ZSWIM8: variants seen among roughly 807,000 people sequenced by gnomAD.
The protein encoded by ZSWIM8 is zinc finger SWIM domain-containing protein 8.
Under a neutral mutation model 173.7 loss-of-function variants are expected in ZSWIM8, and 27 were observed. The ratio of observed to expected loss-of-function variants is 0.16; its 90% CI spans 0.11 to 0.21. The LOEUF is 0.21. Among genes scored for constraint, ZSWIM8 ranks in the 10% least tolerant of loss-of-function variants. ZSWIM8 has a pLI of 1.00. For missense variants in ZSWIM8, 1,627 were observed against 2,428.8 expected (o/e 0.67, Z 6.94); for synonymous variants, 958 against 962.0 (o/e 1.00, Z 0.08).
chr10:73,786,416 T>G, intron 1 of ZSWIM8: 1 of 297,358 alleles, frequency 3.4e-6, no homozygotes, highest in Non-Finnish European at 6.2e-6. Flanking sequence ...CGTCACTCCT[T>G]TGCCTTAGAG....
chr10:73,792,770 A>G lies in ZSWIM8; in HGVS notation c.2231A>G (p.Glu744Gly). The G allele has an allele frequency of 6.2e-7, 1 of 1,611,756 alleles. No homozygotes were observed. The highest frequency in any genetic ancestry group is 8.5e-7 in the Non-Finnish European group (1 of 1,179,752). The change falls in exon 10 of 26, where the codon GAA becomes GGA. Residue 744 changes from glutamate (E) to glycine (G), a missense_variant. By Grantham distance (98) the Glu-to-Gly change is moderately conservative. This residue lies in a region of ZSWIM8 where 383 missense variants were observed against 394.8 expected (regional missense o/e 0.97). Coordinates refer to ENST00000604729, the MANE Select transcript of ZSWIM8 (RefSeq NM_001367799.1). This position sits in a 1 kb window ranked among gnomAD's most constrained non-coding sequence, Gnocchi z 4.3. ...LNAQDGAGGEEEKAEGGAGEE... is the reference protein window; with the variant it reads ...LNAQDGAGGEGEKAEGGAGEE... ...GCCCAGGATGGGGCTGGGGGCGAGG[A>G]AGAGAAGGCCGAGGGCGGGGCTGGG...
chr10:73,793,338 G>A (rs1411741756), intron 10 of ZSWIM8, among the ~76,000 whole-genome samples: 1 of 152,114 alleles, frequency 6.6e-6, no homozygotes, highest in Non-Finnish European at 1.5e-5. Context: ...TTCCTCTAGG[G>A]AGTCTCTCTG....
Position 73,798,365 on chromosome 10 carries a change from C to T in ZSWIM8, c.4088C>T (p.Ala1363Val). ...RARDSNMVRAAAELALSCLPH... is the reference protein window; with the variant it reads ...RARDSNMVRAVAELALSCLPH... ...AGAGACTCCAATATGGTGAGGGCGG[C>T]AGCAGAGCTGGCCCTGAGCTGCCTG... is the stretch of plus-strand genomic sequence containing the variant. The change falls in exon 20 of 26, where the codon GCA (alanine) becomes GTA (valine). Residue 1363 changes from alanine to valine, a missense_variant. Physicochemically the swap from Ala to Val is moderately conservative, Grantham distance 64 (BLOSUM62 0). Coordinates refer to ENST00000604729, the MANE Select transcript of ZSWIM8 (RefSeq NM_001367799.1). The T allele has an allele frequency of 1.2e-6, 2 of 1,614,044 alleles. No individual in the cohort carries two copies. Among genetic ancestry groups the T allele is most frequent in the South Asian group, 1.1e-5 (1 of 91,090 alleles).
chr10:73,798,210 CT>C lies in ZSWIM8; in HGVS notation c.3953-18del, dbSNP rs1565085546. 3 of 1,612,664 alleles carry C rather than the reference CT, an allele frequency of 1.9e-6. No homozygotes were observed. The South Asian group carries it at 3.3e-5, about 18-fold the overall frequency. On this transcript the variant is annotated intron_variant, in intron 19 of 25. Coordinates refer to ENST00000604729, the MANE Select transcript of ZSWIM8 (RefSeq NM_001367799.1). ...GTGCCCACACTAACCCAACTCTGCCCTTCTCTCCTTTCCCCTAAGGCCAGGC... is the reference window on the plus strand; with the variant it reads ...GTGCCCACACTAACCCAACTCTGCCCTCTCTCCTTTCCCCTAAGGCCAGGC...
At position 73,799,005 on chromosome 10, in the gene ZSWIM8, A is replaced by C. The variant is rs553935585; in HGVS notation, c.4180A>C (p.Asn1394His). The C allele has an allele frequency of 6.2e-7, 1 of 1,606,748 alleles. No homozygotes were observed. Among genetic ancestry groups the C allele is most frequent in the Non-Finnish European group, 8.5e-7 (1 of 1,175,200 alleles). Residue 1394 changes from asparagine (N) to histidine (H), a missense_variant, in exon 21 of 26, where the codon AAC (asparagine) becomes CAC (histidine). Transcript: ENST00000604729. ...RALVQCKEQD[N>H]LMLEKACMAV... ...ACTCTGTGCCCCTCTCTTCCAGGAC[A>C]ACCTGATGTTGGAGAAGGCCTGCAT... is the stretch of plus-strand genomic sequence containing the variant.
chr10:73,800,541 C>T lies in ZSWIM8; in HGVS notation c.5002+69C>T, dbSNP rs1427163482. On this transcript the variant is annotated intron_variant, in intron 23 of 25. Transcript: ENST00000604729. The surrounding 1 kb of genome is among the most constrained non-coding windows in gnomAD (Gnocchi z 4.1). ...AGTGGCTCTTCAGAGGACCCTTCCTCTAGCTCTTCATTTGTTTACTGTGGG... is the reference window on the plus strand; with the variant it reads ...AGTGGCTCTTCAGAGGACCCTTCCTTTAGCTCTTCATTTGTTTACTGTGGG... 1.2e-6 allele frequency: 2 copies of T among 1,603,826 alleles called. No homozygotes were observed. Among genetic ancestry groups the T allele is most frequent in the Non-Finnish European group, 1.7e-6 (2 of 1,174,230 alleles).
At chr10:73,794,690 C>T in intron 14 of ZSWIM8, 51 bp downstream of exon 14, 1 of 1,465,886 alleles carries the variant, frequency 6.8e-7, no homozygotes, top group Non-Finnish European at 9.3e-7. Context: ...TCTTGAAGGA[C>T]ATGAGACCTG....
chr10:73,788,278 C>T (rs2083293875), intron 1 of ZSWIM8, among the ~76,000 whole-genome samples: 1 of 151,116 alleles, frequency 6.6e-6, no homozygotes, highest in Non-Finnish European at 1.5e-5. Context: ...ACAAGAATGC[C>T]AGAGGAGAGA....
intron 15 of ZSWIM8, 40 bp downstream of exon 15, chr10:73,795,703 A>T: frequency 1.3e-6 from 2 of 1,593,414 alleles, no homozygotes; most frequent in Non-Finnish European, 1.7e-6. Context: ...CATGCCTGTA[A>T]TCCCAGCAGT....
Position 73,790,873 on chromosome 10 carries a change from G to A in ZSWIM8, c.942-102G>A, listed in dbSNP as rs2083393566. ...CAAAAAAAAAAATTTTGTTACAGAT[G>A]TCTTTTTCCCTCTATCTTCTGTATT... On this transcript the variant is annotated intron_variant, in intron 7 of 25. Coordinates refer to ENST00000604729, the MANE Select transcript of ZSWIM8 (RefSeq NM_001367799.1). The A allele has an allele frequency of 2.6e-6, 3 of 1,175,378 alleles. No individual in the cohort carries two copies. The East Asian group carries it at 7.2e-5, about 28-fold the overall frequency. The allele number at this position is 1,175,378 out of a possible 1,614,324, so 72.8% of individuals were successfully genotyped here.
At position 73,792,284 on chromosome 10, in the gene ZSWIM8, G is replaced by A. The variant is rs1453423894; in HGVS notation, c.1745G>A (p.Gly582Glu). Residue 582 changes from glycine to glutamate, a missense_variant, in exon 10 of 26, where the codon GGG becomes GAG. Gly to Glu is a moderately conservative substitution (Grantham distance 98). This residue lies in a region of ZSWIM8 where 383 missense variants were observed against 394.8 expected (regional missense o/e 0.97). Transcript: ENST00000604729. This position sits in a 1 kb window ranked among gnomAD's most constrained non-coding sequence, Gnocchi z 4.3. Reference protein sequence around the residue: ...DKALHKMGPGGGKAKALGGAG... With the variant: ...DKALHKMGPGEGKAKALGGAG... ...GCTCTACATAAGATGGGTCCAGGTG[G>A]GGGCAAAGCCAAGGCACTGGGTGGG... is the stretch of plus-strand genomic sequence containing the variant. 1 of 1,608,688 alleles carries A rather than the reference G, an allele frequency of 6.2e-7. No individual in the cohort carries two copies. Among genetic ancestry groups the A allele is most frequent in the Admixed American group, 1.7e-5 (1 of 59,732 alleles).
chr10:73,789,147 T>C lies in ZSWIM8; in HGVS notation c.414T>C (p.Asp138=), dbSNP rs1291343426. 3 of 1,613,864 alleles carry C rather than the reference T, an allele frequency of 1.9e-6. No homozygotes were observed. The highest frequency in any genetic ancestry group is 2.7e-5 in the African/African-American group (2 of 74,920). Residue 138 remains aspartate (D), a synonymous_variant, in exon 3 of 26, where the codon GAT becomes GAC. Transcript: ENST00000604729. The surrounding 1 kb of genome is among the most constrained non-coding windows in gnomAD (Gnocchi z 6.8). The part of the protein sequence containing the change: ...NGSADEFQRG[D]QLFRMRAVKD... The stretch of plus-strand genomic sequence containing the variant: ...GTGCGGATGAGTTTCAGCGAGGGGA[T>C]CAGCTCTTCCGCATGCGGGCTGTGA...
rs373383881 is a variant in ZSWIM8 at position 73,797,075 on chromosome 10, T to C, written c.3275-38T>C. ...TGTGGACCTATGTTGAGGTCCCCTT[T>C]CCTGGGCTCATCCCAGCGTCCTGTT... On this transcript the variant is annotated intron_variant, in intron 16 of 25. Transcript: ENST00000604729. The surrounding 1 kb of genome is among the most constrained non-coding windows in gnomAD (Gnocchi z 5.6). 187 of 1,613,056 alleles carry C rather than the reference T, an allele frequency of 1.2e-4. No individual in the cohort carries two copies. Among genetic ancestry groups the C allele is most frequent in the Admixed American group, 1.1e-3 (66 of 59,904 alleles).
chr10:73,795,673 T>C lies in ZSWIM8; in HGVS notation c.3033+10T>C. On this transcript the variant is annotated intron_variant, in intron 15 of 25. Transcript: ENST00000604729. ...GGCCAAGCTTAAGAAGGTAAGAGACTGGGGCTGGGTGCGGTGGCTCATGCC... is the reference window on the plus strand; with the variant it reads ...GGCCAAGCTTAAGAAGGTAAGAGACCGGGGCTGGGTGCGGTGGCTCATGCC... 1 of 1,609,696 alleles carries C rather than the reference T, an allele frequency of 6.2e-7. No individual in the cohort carries two copies.
Position 73,799,265 on chromosome 10 carries a change from G to A in ZSWIM8, c.4440G>A (p.Val1480=). 6.3e-7 allele frequency: 1 copy of A among 1,598,262 alleles called. No individual in the cohort carries two copies. The highest frequency in any genetic ancestry group is 8.5e-7 in the Non-Finnish European group (1 of 1,173,126). The change falls in exon 21 of 26, where the codon GTG becomes GTA. Residue 1480 remains valine (V), a synonymous_variant. Transcript: ENST00000604729. ...TEPVTVAAAA[V]TAAATVVPVI... ...CGGTTACAGTGGCAGCGGCAGCAGT[G>A]ACAGCAGCAGCCACAGTGGTGCCCG...
chr10:73,797,332 A>C lies in ZSWIM8; in HGVS notation c.3434-45A>C. ...TAATCCTGAAGGTTGGAGTCTTAAC[A>C]TCTGGGACTCCTGACTTCTGAGACT... On this transcript the variant is annotated intron_variant, in intron 17 of 25. Coordinates refer to ENST00000604729, the MANE Select transcript of ZSWIM8 (RefSeq NM_001367799.1). This position sits in a 1 kb window ranked among gnomAD's most constrained non-coding sequence, Gnocchi z 5.6. 6.2e-7 allele frequency: 1 copy of C among 1,612,992 alleles called. No homozygotes were observed. Among genetic ancestry groups the C allele is most frequent in the Non-Finnish European group, 8.5e-7 (1 of 1,179,164 alleles).
In ZSWIM8 at chr10:73,801,328, C is replaced by T. The variant is rs754387316; in HGVS notation, c.5314C>T (p.Arg1772Cys). The change falls in exon 26 of 26, where the codon CGC (arginine) becomes TGC (cysteine). Residue 1772 changes from arginine (R) to cysteine (C), a missense_variant. This residue lies in a region of ZSWIM8 where 122 missense variants were observed against 196.1 expected (regional missense o/e 0.62). Transcript: ENST00000604729. The surrounding 1 kb of genome is among the most constrained non-coding windows in gnomAD (Gnocchi z 4.9). ...CATCCTCCTCCAGTACATCCACCACCGCTTGATTCACCTGACTCCTGCGGA... is the reference window on the plus strand; with the variant it reads ...CATCCTCCTCCAGTACATCCACCACTGCTTGATTCACCTGACTCCTGCGGA... ...QQAYMQYIHHRLIHLTPADYD... is the reference protein window; with the variant it reads ...QQAYMQYIHHCLIHLTPADYD... The T allele has an allele frequency of 3.1e-6, 5 of 1,613,768 alleles. No individual in the cohort carries two copies. Among genetic ancestry groups the T allele is most frequent in the Non-Finnish European group, 4.2e-6 (5 of 1,179,816 alleles).
chr10:73,800,074 G>A lies in ZSWIM8; in HGVS notation c.4729G>A (p.Ala1577Thr). The A allele has an allele frequency of 1.5e-5, 24 of 1,613,796 alleles. No homozygotes were observed. The highest frequency in any genetic ancestry group is 1.9e-5 in the Non-Finnish European group (23 of 1,179,834). Residue 1577 changes from alanine (A) to threonine (T), a missense_variant, in exon 22 of 26, where the codon GCC becomes ACC. By Grantham distance (58) the Ala-to-Thr change is moderately conservative. Transcript: ENST00000604729. This position sits in a 1 kb window ranked among gnomAD's most constrained non-coding sequence, Gnocchi z 4.1. ...PYSVTPPSLA[A>T]TAVSFPVPSM... ...TTCAGTGACTCCTCCCTCACTTGCT[G>A]CCACTGCTGTGTCTTTCCCCGTTCC...
rs1276838938 is a variant in ZSWIM8, at chr10:73,792,477, C to T, written c.1938C>T (p.Pro646=). The change falls in exon 10 of 26, where the codon CCC becomes CCT. Residue 646 remains proline, a synonymous_variant. Transcript: ENST00000604729. The surrounding 1 kb of genome is among the most constrained non-coding windows in gnomAD (Gnocchi z 4.3). ...TFGGFPESPP[P]CPLHGGSRGP... ...GGGGATTCCCTGAGAGCCCTCCACC[C>T]TGTCCTCTCCACGGTGGCTCCCGAG... 1 of 1,611,772 alleles carries T rather than the reference C, an allele frequency of 6.2e-7. No individual in the cohort carries two copies. The highest frequency in any genetic ancestry group is 1.3e-5 in the African/African-American group (1 of 75,008).
Sources: gnomAD v4.1 joint callset for allele counts (sites outside exome capture counted in the v4.1 genomes callset) on GRCh38, gnomAD v4.1.1 for gene constraint, gnomAD v4.1.1 regional missense constraint, Gnocchi (gnomAD v3.1) non-coding constraint, MANE v1.5 for transcripts, NCBI Gene and HGNC (gene_info 2026-07-23, HGNC 2026-07-21) for gene names.